The following ELMO1 variants were observed in gnomAD, a reference collection of about 807,000 sequenced individuals.
The protein encoded by ELMO1 is engulfment and cell motility 1.
ELMO1 carries 26 observed loss-of-function variants against 98.9 expected under a neutral mutation model. The observed-to-expected ratio is 0.26, with a 90% CI of 0.19 to 0.36. ELMO1 has a LOEUF of 0.36. ELMO1 is among the 10% of genes least tolerant of loss of function. The pLI is 1.00. For synonymous variants in ELMO1, 346 were observed against 346.0 expected, an observed-to-expected ratio of 1.00 and a Z score of 0.00; for missense variants, 627 against 935.2, an observed-to-expected ratio of 0.67 and a Z score of 4.30.
intron 13 of ELMO1, among the ~76,000 whole-genome samples, chr7:37,159,704 AT>A (rs755034582): frequency 1.6e-4 from 24 of 151,518 alleles, no homozygotes; most frequent in Middle Eastern, 3.4e-3. Context: ...GTCTCAAAAA[AT>A]AATAATAATA....
At chr7:36,894,788 G>A (rs1805857090) in intron 17 of ELMO1, 66 bp downstream of exon 17, 1 of 1,596,880 alleles carries the variant, frequency 6.3e-7, no homozygotes, top group African/African-American at 1.3e-5. Flanking sequence ...TTCATGACAG[G>A]CGGTCATTCT....
chr7:37,329,981 CCTT>C (rs1439446911), intron 2 of ELMO1, among the ~76,000 whole-genome samples: 2 of 152,184 alleles, frequency 1.3e-5, no homozygotes, highest in Non-Finnish European at 2.9e-5. Flanking sequence ...CCAATTGGCA[CCTT>C]CTAAAAGTAC....
chr7:37,014,048 G>C (rs768388159), intron 15 of ELMO1, among the ~76,000 whole-genome samples: 67 of 152,062 alleles, frequency 4.4e-4, no homozygotes, highest in Non-Finnish European at 8.2e-4. Flanking sequence ...CTTTGAAGGC[G>C]GCAACTGGTC....
intron 3 of ELMO1, among the ~76,000 whole-genome samples, chr7:37,315,549 G>C (rs138107885): frequency 3.9e-5 from 6 of 152,304 alleles, no homozygotes; most frequent in Non-Finnish European, 8.8e-5. Context: ...TGCCTTGTCT[G>C]TTCAATTCTT....
At chr7:36,958,027 C>T (rs1017309583) in intron 16 of ELMO1, among the ~76,000 whole-genome samples, 13 of 152,178 alleles carry the variant, frequency 8.5e-5, no homozygotes, top group African/African-American at 3.1e-4. Flanking sequence ...ATGCTGGCTC[C>T]AATCAGTTGC....
intron 3 of ELMO1, 42 bp from the exon 4 acceptor site, chr7:37,314,964 G>A: frequency 1.9e-6 from 3 of 1,570,364 alleles, no homozygotes; most frequent in Non-Finnish European, 2.6e-6. Flanking sequence ...AATGAAAGTG[G>A]CCATTTTCAT....
At chr7:36,957,633 T>C (rs1444212592) in intron 16 of ELMO1, among the ~76,000 whole-genome samples, 1 of 148,256 alleles carries the variant, frequency 6.7e-6, no homozygotes, top group African/African-American at 2.7e-5. Context: ...AGCTTTGTCA[T>C]TGAAAATACA....
At chr7:36,878,171 C>T in intron 18 of ELMO1, 54 bp from the exon 19 acceptor site, 1 of 1,342,910 alleles carries the variant, frequency 7.4e-7, no homozygotes, top group East Asian at 2.3e-5. Context: ...TATCAAAATA[C>T]TAGCCTGGTT....
chr7:37,377,523 G>A (rs555880428), intron 1 of ELMO1, among the ~76,000 whole-genome samples: 15 of 152,080 alleles, frequency 9.9e-5, no homozygotes, highest in African/African-American at 2.4e-4. Context: ...CCCTCTCAAC[G>A]CTCTCTGGTA....
chr7:36,962,347 C>T (rs1789021913), intron 16 of ELMO1, among the ~76,000 whole-genome samples: 1 of 152,038 alleles, frequency 6.6e-6, no homozygotes, highest in Non-Finnish European at 1.5e-5. Flanking sequence ...CAATTTGGAC[C>T]GATTAAAAAC....
intron 12 of ELMO1, 58 bp downstream of exon 12, chr7:37,213,277 C>CTT: frequency 6.3e-7 from 1 of 1,578,046 alleles, no homozygotes; most frequent in Non-Finnish European, 8.6e-7. Context: ...CAAGAAAAGA[C>CTT]TTTTAATGAC....
At chr7:37,096,456 G>T (rs1208727581) in intron 15 of ELMO1, among the ~76,000 whole-genome samples, 163 bp downstream of exon 15, 1 of 152,140 alleles carries the variant, frequency 6.6e-6, no homozygotes, top group African/African-American at 2.4e-5. Context: ...ACATGCAAAA[G>T]TATGTATGCT....
intron 13 of ELMO1, among the ~76,000 whole-genome samples, chr7:37,143,125 G>A (rs1277224351): frequency 2.6e-5 from 4 of 152,294 alleles, no homozygotes; most frequent in Middle Eastern, 3.4e-3. Flanking sequence ...CAGGCATTGC[G>A]CAAAGTGTCT....
At chr7:36,916,808 A>G (rs1784725286) in intron 16 of ELMO1, among the ~76,000 whole-genome samples, 1 of 152,242 alleles carries the variant, frequency 6.6e-6, no homozygotes, top group African/African-American at 2.4e-5. Flanking sequence ...CTCTAAGGAG[A>G]CAGAAAATTC....
intron 17 of ELMO1, among the ~76,000 whole-genome samples, chr7:36,892,892 C>T (rs1805681959): frequency 6.6e-6 from 1 of 151,658 alleles, no homozygotes; most frequent in South Asian, 2.1e-4. Context: ...TATGCAAAAG[C>T]TACATCCATG....
At position 37,382,659 on chromosome 7, in the gene ELMO1, T is replaced by TTAG. The variant is rs1467801689; in HGVS notation, c.-73-39899_-73-39897dup. 3.0e-4 allele frequency among the ~76,000 whole-genome samples: 46 copies of TTAG among 152,274 alleles called. 2 individuals carry two copies. The highest frequency in any genetic ancestry group is 1.0e-3 in the African/African-American group (42 of 41,552). On this transcript the variant is annotated intron_variant, in intron 1 of 21. Transcript: ENST00000310758. The stretch of plus-strand genomic sequence containing the variant: ...TTACTAAATTAACCCTTATCTGCCA[T>TTAG]TAGTATTCCCCACGTATTTACTTTC...
chr7:37,275,982 G>A (rs1796810178), intron 4 of ELMO1, among the ~76,000 whole-genome samples: 1 of 152,142 alleles, frequency 6.6e-6, no homozygotes, highest in African/African-American at 2.4e-5. Context: ...AAAGAGGCTT[G>A]TCATTGTTCT....
At chr7:37,156,602 C>T (rs1788783922) in intron 13 of ELMO1, among the ~76,000 whole-genome samples, 1 of 151,926 alleles carries the variant, frequency 6.6e-6, no homozygotes, top group African/African-American at 2.4e-5. Context: ...ACACATACAC[C>T]CTCCCAAGAC....
At chr7:37,325,198 C>CACT (rs1799736725) in intron 2 of ELMO1, among the ~76,000 whole-genome samples, 2 of 152,230 alleles carry the variant, frequency 1.3e-5, no homozygotes, top group African/African-American at 4.8e-5. Context: ...GCCCCCGATG[C>CACT]TGCCTTTGGC....
Sources: allele counts gnomAD v4.1 joint callset (sites outside exome capture counted in the v4.1 genomes callset), GRCh38; gene constraint gnomAD v4.1.1; transcripts MANE v1.5; gene names NCBI Gene and HGNC (gene_info 2026-07-23, HGNC 2026-07-21).